Variants in SEC22A observed in about 807,000 individuals in gnomAD.
The protein encoded by SEC22A is vesicle-trafficking protein SEC22a.
In SEC22A, 22 loss-of-function variants were observed where a neutral mutation model predicts 35.3. The observed-to-expected ratio is 0.62, with a 90% confidence interval of 0.45 to 0.89. SEC22A has a LOEUF of 0.89. Among genes scored for constraint, SEC22A ranks in the 40% least tolerant of loss-of-function variants. SEC22A has a pLI of 0.00. For missense variants in SEC22A, 354 were observed against 362.5 expected, an observed-to-expected ratio of 0.98 and a Z score of 0.19; for synonymous variants, 119 against 129.5, an observed-to-expected ratio of 0.92 and a Z score of 0.55.
chr3:123,245,867 GTTCATTT>G (rs1172431013), intron 4 of SEC22A, 25 bp from the exon 5 acceptor site: 1 of 1,259,718 alleles, frequency 7.9e-7, no homozygotes. Flanking sequence ...AGGTATTGGT[GTTCATTT>G]CTAACTATTT....
intron 5 of SEC22A, among the ~76,000 whole-genome samples, chr3:123,253,803 G>C (rs1432653145): frequency 6.6e-6 from 1 of 151,436 alleles, no homozygotes; most frequent in Non-Finnish European, 1.5e-5. Flanking sequence ...TCTATGCTAA[G>C]GTGTGGTGCT....
intron 2 of SEC22A, among the ~76,000 whole-genome samples, chr3:123,219,367 G>A (rs777741414): frequency 1.8e-4 from 27 of 152,136 alleles, no homozygotes; most frequent in Non-Finnish European, 3.2e-4. Flanking sequence ...AGATTGATTT[G>A]TGGCTTGGAA....
At chr3:123,228,589 A>G (rs1291094036) in intron 4 of SEC22A, among the ~76,000 whole-genome samples, 1 of 151,306 alleles carries the variant, frequency 6.6e-6, no homozygotes, top group African/African-American at 2.4e-5. Flanking sequence ...AAAAAAAAAA[A>G]AAAAAGAAAG....
At chr3:123,229,810 C>T (rs6777427) in intron 4 of SEC22A, among the ~76,000 whole-genome samples, 25 of 151,448 alleles carry the variant, frequency 1.7e-4, no homozygotes, top group Admixed American at 1.3e-3. Context: ...TGCCGTGAGC[C>T]GAGATCGCGC....
chr3:123,203,789 T>G (rs561033266), intron 1 of SEC22A, among the ~76,000 whole-genome samples: 34 of 152,316 alleles, frequency 2.2e-4, no homozygotes, highest in African/African-American at 7.9e-4. Context: ...TCCTCATCTG[T>G]AAAATGGTGG....
In SEC22A at chr3:123,256,107, A is replaced by G. The variant is rs967330579; in HGVS notation, c.658-3417A>G. 2.6e-5 allele frequency among the ~76,000 whole-genome samples: 4 copies of G among 152,162 alleles called. No homozygotes were observed. The South Asian group carries it at 6.2e-4, about 24-fold the overall frequency. On this transcript the variant is annotated intron_variant, in intron 5 of 6. Transcript: ENST00000492595. Reference sequence around the variant, plus strand: ...TTACCTAATAGAAAATCTGTATTCAAATTTCCATAGTTGCCCCCAGAATGT... The same window carrying G: ...TTACCTAATAGAAAATCTGTATTCAGATTTCCATAGTTGCCCCCAGAATGT...
At chr3:123,222,848 T>A (rs1937150747) in intron 2 of SEC22A, among the ~76,000 whole-genome samples, 9 of 152,124 alleles carry the variant, frequency 5.9e-5, no homozygotes, top group Admixed American at 5.9e-4. Context: ...CCCGTAAAAA[T>A]TTCCCCCTAG....
chr3:123,212,966 T>C (rs1473374659), intron 2 of SEC22A, among the ~76,000 whole-genome samples: 1 of 152,168 alleles, frequency 6.6e-6, no homozygotes, highest in Non-Finnish European at 1.5e-5. Context: ...CAGAAGTACA[T>C]AAAGAGGACA....
chr3:123,230,218 T>C (rs1937296285), intron 4 of SEC22A, among the ~76,000 whole-genome samples: 1 of 152,160 alleles, frequency 6.6e-6, no homozygotes, highest in South Asian at 2.1e-4. Context: ...ACAGTGTATA[T>C]ATAATGTCAT....
chr3:123,257,613 C>T (rs957798691), intron 5 of SEC22A, among the ~76,000 whole-genome samples: 8 of 152,032 alleles, frequency 5.3e-5, no homozygotes, highest in African/African-American at 1.7e-4. Flanking sequence ...GCAGGAGAAT[C>T]GCTTGAACCT....
intron 5 of SEC22A, among the ~76,000 whole-genome samples, chr3:123,247,967 A>G (rs1452134192): frequency 6.6e-6 from 1 of 152,240 alleles, no homozygotes; most frequent in Admixed American, 6.5e-5. Flanking sequence ...TCGCGTGATC[A>G]TATCAGTAGG....
At chr3:123,265,088 A>G (rs549901149) in intron 6 of SEC22A, among the ~76,000 whole-genome samples, 30 of 152,332 alleles carry the variant, frequency 2.0e-4, no homozygotes, top group African/African-American at 7.2e-4. Flanking sequence ...AACATATTGC[A>G]TCCATACTGA....
chr3:123,256,857 T>C (rs1429575867), intron 5 of SEC22A, among the ~76,000 whole-genome samples: 16 of 151,090 alleles, frequency 1.1e-4, no homozygotes, highest in Admixed American at 1.1e-3. Context: ...CCTCCCAGGT[T>C]CACACCATTC....
intron 6 of SEC22A, among the ~76,000 whole-genome samples, chr3:123,268,489 G>A (rs1329119731): frequency 6.6e-6 from 1 of 152,086 alleles, no homozygotes; most frequent in East Asian, 1.9e-4. Context: ...TACATATAAT[G>A]TCCAGTGTTT....
chr3:123,232,136 A>G (rs1937335837), intron 4 of SEC22A, among the ~76,000 whole-genome samples: 1 of 152,146 alleles, frequency 6.6e-6, no homozygotes, highest in South Asian at 2.1e-4. Flanking sequence ...GCTGCTCAGG[A>G]GGCTGAGGAC....
chr3:123,203,039 C>T (rs1278515777), intron 1 of SEC22A, among the ~76,000 whole-genome samples: 4 of 124,476 alleles, frequency 3.2e-5, no homozygotes, highest in African/African-American at 6.5e-5. Flanking sequence ...AAAACCATCA[C>T]ATCTGTTTAG....
chr3:123,231,584 A>G (rs1355886571), intron 4 of SEC22A, among the ~76,000 whole-genome samples: 1 of 152,238 alleles, frequency 6.6e-6, no homozygotes, highest in African/African-American at 2.4e-5. Flanking sequence ...TGAATGGGTC[A>G]GAGACTAAAT....
At chr3:123,250,409 C>CA (rs113701615) in intron 5 of SEC22A, among the ~76,000 whole-genome samples, 29,453 of 146,560 alleles carry the variant, frequency 0.2, 2,947 homozygotes, top group Middle Eastern at 0.28. Context: ...GACTCCGTCT[C>CA]AAAAAAAAAA....
At chr3:123,202,193 G>A (rs1281186502) in intron 1 of SEC22A, 1 of 152,808 alleles carries the variant, frequency 6.5e-6, no homozygotes, top group Non-Finnish European at 1.5e-5. Context: ...GGGCAAGCGG[G>A]GACCCCGTCC....
Sources: gnomAD v4.1 joint callset for allele counts (sites outside exome capture counted in the v4.1 genomes callset) on GRCh38, gnomAD v4.1.1 for gene constraint, MANE v1.5 for transcripts, NCBI Gene and HGNC (gene_info 2026-07-23, HGNC 2026-07-21) for gene names.